The following SDHC variants were observed in gnomAD, a reference collection of about 807,000 sequenced individuals.
The protein encoded by SDHC is succinate dehydrogenase complex subunit C, also known as succinate dehydrogenase cytochrome b560 subunit, mitochondrial.
Under a neutral mutation model 22.6 loss-of-function variants are expected in SDHC, and 11 were observed. The ratio of observed to expected loss-of-function variants is 0.49; its 90% confidence interval spans 0.31 to 0.81. The LOEUF is 0.81. SDHC is among the 30% of genes least tolerant of loss of function. SDHC has a pLI of 0.05. For synonymous variants in SDHC, 80 were observed against 77.8 expected, an observed-to-expected ratio of 1.03 and a Z score of -0.15; for missense variants, 160 against 212.0, an observed-to-expected ratio of 0.75 and a Z score of 1.52.
At chr1:161,339,662 GTTTTTTTTTTTTTTT>G (rs532317918) in intron 3 of SDHC, 24 of 51,654 alleles carry the variant, frequency 4.6e-4, no homozygotes, top group South Asian at 1.7e-3. Context: ...TGATACAGGT[GTTTTTTTTTTTTTTT>G]TTTTTTTTTT....
intron 1 of SDHC, among the ~76,000 whole-genome samples, chr1:161,318,910 T>A (rs369307105): frequency 2.6e-5 from 4 of 151,950 alleles, no homozygotes; most frequent in Non-Finnish European, 5.9e-5. Flanking sequence ...TGTGGGTGCC[T>A]GTGGGTGCTG....
chr1:161,345,382 T>G (rs1159160902), intron 4 of SDHC, among the ~76,000 whole-genome samples: 1 of 152,256 alleles, frequency 6.6e-6, no homozygotes, highest in Non-Finnish European at 1.5e-5. Context: ...TGTTTTACAG[T>G]ACTCTATTCC....
chr1:161,329,489 G>A (rs534024662), intron 3 of SDHC, among the ~76,000 whole-genome samples: 2 of 152,112 alleles, frequency 1.3e-5, no homozygotes, highest in Admixed American at 1.3e-4. Context: ...GAACCTCCAT[G>A]CCCGGCTAAT....
intron 1 of SDHC, among the ~76,000 whole-genome samples, chr1:161,317,323 T>C (rs34589411): frequency 0.34 from 51,869 of 151,734 alleles, 9,751 homozygotes; most frequent in African/African-American, 0.5. Context: ...CCACAACGCT[T>C]GGCCTTTATT....
At chr1:161,334,838 C>G (rs1426081005) in intron 3 of SDHC, among the ~76,000 whole-genome samples, 2 of 152,194 alleles carry the variant, frequency 1.3e-5, no homozygotes, top group Non-Finnish European at 2.9e-5. Context: ...ACATGAACAT[C>G]TTTAAGGAGA....
chr1:161,350,889 G>A (rs978252042), intron 4 of SDHC, among the ~76,000 whole-genome samples: 1 of 152,036 alleles, frequency 6.6e-6, no homozygotes, highest in African/African-American at 2.4e-5. Flanking sequence ...TCACACATCC[G>A]TTTGGCTCCT....
At chr1:161,344,306 T>A (rs1450932085) in intron 4 of SDHC, among the ~76,000 whole-genome samples, 1 of 150,692 alleles carries the variant, frequency 6.6e-6, no homozygotes, top group African/African-American at 2.4e-5. Flanking sequence ...TAAAATAAAA[T>A]AAAAAATTAG....
rs10157093 is a variant in SDHC, at chr1:161,330,412, G to A, written c.179+1915G>A. On this transcript the variant is annotated intron_variant, in intron 3 of 5. Coordinates refer to ENST00000367975, the MANE Select transcript of SDHC (RefSeq NM_003001.5). Reference sequence around the variant, plus strand: ...TTCCTGCTCAAAAAGTGAGAAAATGGAAGGAAAAAAGGAGTCTCTGGTTCT... The same window carrying A: ...TTCCTGCTCAAAAAGTGAGAAAATGAAAGGAAAAAAGGAGTCTCTGGTTCT... 3.6e-3 allele frequency among the ~76,000 whole-genome samples: 541 copies of A among 152,140 alleles called. 3 individuals are homozygous for A. Among genetic ancestry groups the A allele is most frequent in the African/African-American group, 0.012 (515 of 41,544 alleles).
chr1:161,343,130 A>G (rs924901997), intron 4 of SDHC, among the ~76,000 whole-genome samples: 8 of 152,118 alleles, frequency 5.3e-5, no homozygotes, highest in African/African-American at 1.9e-4. Flanking sequence ...GGGAGTTTCT[A>G]TTGACTTTTG....
At chr1:161,355,404 T>G (rs1290849902) in intron 4 of SDHC, among the ~76,000 whole-genome samples, 1 of 152,246 alleles carries the variant, frequency 6.6e-6, no homozygotes, top group Non-Finnish European at 1.5e-5. Context: ...TTGAGTTGTC[T>G]TTTCACTTTC....
chr1:161,361,854 A>C (rs1203737356), intron 5 of SDHC, among the ~76,000 whole-genome samples: 1 of 151,906 alleles, frequency 6.6e-6, no homozygotes, highest in Non-Finnish European at 1.5e-5. Flanking sequence ...AAAAAAAAAA[A>C]AAAAAAAAAA....
chr1:161,322,090 G>A (rs1320742653), intron 1 of SDHC, among the ~76,000 whole-genome samples: 1 of 152,094 alleles, frequency 6.6e-6, no homozygotes, highest in Non-Finnish European at 1.5e-5. Flanking sequence ...TGGAATATTT[G>A]CATTATACTT....
chr1:161,320,211 AT>A (rs951818073), intron 1 of SDHC, among the ~76,000 whole-genome samples: 1 of 151,742 alleles, frequency 6.6e-6, no homozygotes, highest in African/African-American at 2.4e-5. Context: ...GGATTGGGTG[AT>A]GCCATCATAT....
intron 4 of SDHC, among the ~76,000 whole-genome samples, chr1:161,347,066 T>C (rs1485509866): frequency 6.6e-6 from 1 of 152,112 alleles, no homozygotes; most frequent in African/African-American, 2.4e-5. Flanking sequence ...GCAGAATCCA[T>C]GGATGCAGAA....
intron 3 of SDHC, among the ~76,000 whole-genome samples, chr1:161,339,885 G>C (rs1266988380): frequency 6.6e-6 from 1 of 151,742 alleles, no homozygotes; most frequent in South Asian, 2.1e-4. Context: ...TCTCCATGTT[G>C]GTCAGGCTGA....
At chr1:161,329,485 C>T (rs1218604037) in intron 3 of SDHC, among the ~76,000 whole-genome samples, 1 of 152,070 alleles carries the variant, frequency 6.6e-6, no homozygotes, top group Non-Finnish European at 1.5e-5. Context: ...ACATGAACCT[C>T]CATGCCCGGC....
At position 161,340,495 on chromosome 1, in the gene SDHC, T is replaced by C. The variant is rs1012186608; in HGVS notation, c.180-99T>C. On this transcript the variant is annotated intron_variant, in intron 3 of 5. Transcript: ENST00000367975. Reference sequence around the variant, plus strand: ...TCAAAAAAAAAAAAAGAAAAAAAAGTGCCTATTTCAGAATTAGTTTATATT... The same window carrying C: ...TCAAAAAAAAAAAAAGAAAAAAAAGCGCCTATTTCAGAATTAGTTTATATT... The C allele has an allele frequency of 1.2e-5, 12 of 1,007,566 alleles. No homozygotes were observed. In the Admixed American group the frequency reaches 1.8e-4, roughly 15 times the overall value. 62.4% of individuals were successfully genotyped at this position (1,007,566 alleles called of 1,614,324 possible).
chr1:161,334,529 C>G lies in SDHC; in HGVS notation c.179+6032C>G, dbSNP rs149361824. On this transcript the variant is annotated intron_variant, in intron 3 of 5. Coordinates refer to ENST00000367975, the MANE Select transcript of SDHC (RefSeq NM_003001.5). ...TCATGGCTTACTGCAGCCTTGACTT[C>G]CCAGGCTTAAGTGATCCTCCCAGGT... is the stretch of plus-strand genomic sequence containing the variant. Among the ~76,000 whole-genome samples the G allele has an allele frequency of 3.1e-4, 47 of 152,210 alleles. 1 individual carries two copies. The highest frequency in any genetic ancestry group is 3.4e-3 in the Middle Eastern group (1 of 294).
At chr1:161,330,038 T>G (rs931242121) in intron 3 of SDHC, among the ~76,000 whole-genome samples, 18 of 152,312 alleles carry the variant, frequency 1.2e-4, no homozygotes, top group Admixed American at 6.5e-4. Context: ...TTTTGTGATA[T>G]AAGATAATAT....
Sources: allele counts gnomAD v4.1 joint callset (sites outside exome capture counted in the v4.1 genomes callset), GRCh38; gene constraint gnomAD v4.1.1; transcripts MANE v1.5; gene names NCBI Gene and HGNC (gene_info 2026-07-23, HGNC 2026-07-21).